CLYBL: variants seen among roughly 807,000 people sequenced by gnomAD.
CLYBL encodes citramalyl-CoA lyase, mitochondrial.
A neutral mutation model predicts 38.9 loss-of-function variants in CLYBL; 31 were observed. The observed-to-expected ratio is 0.80, with a 90% CI of 0.60 to 1.08. CLYBL has a LOEUF of 1.08. Among genes scored for constraint, CLYBL ranks in the 50% least tolerant of loss-of-function variants. CLYBL has a pLI of 0.00. For synonymous variants in CLYBL, 171 were observed against 158.6 expected (o/e 1.08, Z -0.59); for missense variants, 434 against 411.6 (o/e 1.05, Z -0.47).
At chr13:99,862,924 C>T in intron 3 of CLYBL, 67 bp from the exon 4 acceptor site, 1 of 847,410 alleles carries the variant, frequency 1.2e-6, no homozygotes, top group Non-Finnish European at 1.9e-6. Context: ...AATACTACTT[C>T]TGGGTCTACA....
intron 6 of CLYBL, among the ~76,000 whole-genome samples, chr13:99,868,098 G>A (rs1174218066): frequency 6.6e-6 from 1 of 151,170 alleles, no homozygotes; most frequent in East Asian, 2.0e-4. Context: ...TAAAAAAAAA[G>A]GGGGGAAGCG....
chr13:99,625,855 A>G (rs1461037549), intron 1 of CLYBL, among the ~76,000 whole-genome samples: 2 of 152,182 alleles, frequency 1.3e-5, no homozygotes, highest in Non-Finnish European at 2.9e-5. Flanking sequence ...CTAAGAAGAG[A>G]GAAGGGAAGA....
intron 1 of CLYBL, among the ~76,000 whole-genome samples, chr13:99,626,963 C>T (rs1177545998): frequency 2.0e-5 from 3 of 150,202 alleles, no homozygotes; most frequent in Non-Finnish European, 2.9e-5. Context: ...AGTTATGACT[C>T]ATCTAGTACC....
intron 2 of CLYBL, among the ~76,000 whole-genome samples, chr13:99,804,997 A>C (rs2050203485): frequency 6.6e-6 from 1 of 152,196 alleles, no homozygotes; most frequent in Non-Finnish European, 1.5e-5. Flanking sequence ...TACCTCATAG[A>C]AGTGGAATCA....
intron 1 of CLYBL, among the ~76,000 whole-genome samples, chr13:99,680,511 A>G (rs2047719651): frequency 6.6e-6 from 1 of 152,204 alleles, no homozygotes; most frequent in African/African-American, 2.4e-5. Flanking sequence ...GCCTCCAAAA[A>G]TAACGGACTA....
chr13:99,732,302 C>T (rs2139575102), intron 1 of CLYBL, among the ~76,000 whole-genome samples: 2 of 151,676 alleles, frequency 1.3e-5, no homozygotes, highest in South Asian at 4.2e-4. Context: ...TCTTCCACCT[C>T]AGCGTCCCCC....
chr13:99,833,453 A>G lies in CLYBL; in HGVS notation c.250-25408A>G, dbSNP rs57033769. Among the ~76,000 whole-genome samples, 459 of 152,212 alleles carry G rather than the reference A, an allele frequency of 3.0e-3. 2 individuals are homozygous for G. Among genetic ancestry groups the G allele is most frequent in the African/African-American group, 0.011 (437 of 41,522 alleles). ...TTTGAATTGCTGCCATAGCTACATA[A>G]TGGTGTGGAAAGTAGTAAACCCATT... On this transcript the variant is annotated intron_variant, in intron 2 of 8. Coordinates refer to ENST00000339105, the MANE Select transcript of CLYBL (RefSeq NM_206808.5).
At position 99,772,899 on chromosome 13, in the gene CLYBL, G is replaced by A; in HGVS notation, c.138G>A (p.Arg46=). The A allele has an allele frequency of 1.2e-6, 2 of 1,613,696 alleles. No individual in the cohort carries two copies. The highest frequency in any genetic ancestry group is 1.7e-6 in the Non-Finnish European group (2 of 1,179,846). Residue 46 remains arginine (R), a synonymous_variant, in exon 2 of 9, where the codon AGG becomes AGA. Coordinates refer to ENST00000339105, the MANE Select transcript of CLYBL (RefSeq NM_206808.5). ...CCCATCACAAGTACATCCCCCGGAG[G>A]GCAGTGCTTTATGTACCTGGAAATG... ...SSSHHKYIPR[R]AVLYVPGNDE...
chr13:99,817,307 A>AAGGAG (rs2050471073), intron 2 of CLYBL, among the ~76,000 whole-genome samples: 1 of 152,136 alleles, frequency 6.6e-6, no homozygotes, highest in Non-Finnish European at 1.5e-5. Flanking sequence ...GAGGAGACGA[A>AAGGAG]AGGAGAGGGG....
intron 1 of CLYBL, among the ~76,000 whole-genome samples, chr13:99,715,679 T>C (rs759200282): frequency 9.1e-4 from 139 of 152,254 alleles, no homozygotes; most frequent in Non-Finnish European, 1.8e-3. Context: ...TTTCAAACAA[T>C]CCTTTTGTTC....
At chr13:99,651,746 A>G (rs912506806) in intron 1 of CLYBL, among the ~76,000 whole-genome samples, 4 of 151,846 alleles carry the variant, frequency 2.6e-5, no homozygotes, top group Non-Finnish European at 5.9e-5. Context: ...CCTGGCCAAC[A>G]TGGTGAAACC....
chr13:99,687,808 T>C (rs187207750), intron 1 of CLYBL, among the ~76,000 whole-genome samples: 20 of 152,308 alleles, frequency 1.3e-4, no homozygotes, highest in Admixed American at 1.3e-3. Context: ...ATGTCTGACA[T>C]GCTTATCATC....
intron 1 of CLYBL, among the ~76,000 whole-genome samples, chr13:99,650,542 AACTTGAGTTTTGATTTGGCTCAGGT>A (rs905027816): frequency 5.3e-5 from 8 of 152,196 alleles, no homozygotes; most frequent in African/African-American, 1.9e-4. Context: ...CACTGGCAGC[AACTTGAGTTTTGATTTGGCTCAGGT>A]ACATGTGCTC....
At chr13:99,679,807 G>T (rs1041344992) in intron 1 of CLYBL, among the ~76,000 whole-genome samples, 1 of 152,012 alleles carries the variant, frequency 6.6e-6, no homozygotes, top group Non-Finnish European at 1.5e-5. Context: ...TAATTACATA[G>T]AAAATGCCAC....
At chr13:99,870,418 GT>G (rs757424439) in intron 6 of CLYBL, among the ~76,000 whole-genome samples, 4,467 of 152,268 alleles carry the variant, frequency 0.029, no homozygotes, top group Non-Finnish European at 0.045. Flanking sequence ...GTATTTGATA[GT>G]AATATAGTTG....
intron 1 of CLYBL, among the ~76,000 whole-genome samples, chr13:99,668,745 C>T (rs996958760): frequency 4.6e-5 from 7 of 152,138 alleles, no homozygotes; most frequent in South Asian, 4.1e-4. Context: ...CCCAGCCTGC[C>T]GGGCTTCTGG....
chr13:99,897,248 G>A (rs1022092353), downstream of CLYBL: 2 of 152,240 alleles, frequency 1.3e-5, no homozygotes, highest in Admixed American at 6.5e-5. Flanking sequence ...CCTGCCTGAG[G>A]TCTGAGGAGT....
At chr13:99,784,449 C>CTCTTTTT (rs71121010) in intron 2 of CLYBL, among the ~76,000 whole-genome samples, 45 of 52,100 alleles carry the variant, frequency 8.6e-4, no homozygotes, top group Non-Finnish European at 1.5e-3. Flanking sequence ...AAAATTCTCT[C>CTCTTTTT]TTTTTTTTTT....
chr13:99,662,021 T>G (rs896332740), intron 1 of CLYBL, among the ~76,000 whole-genome samples: 1 of 152,166 alleles, frequency 6.6e-6, no homozygotes, highest in Non-Finnish European at 1.5e-5. Context: ...AGGGAGGAGC[T>G]AATGTGGAAT....
Sources: allele counts gnomAD v4.1 joint callset (sites outside exome capture counted in the v4.1 genomes callset), GRCh38; gene constraint gnomAD v4.1.1; transcripts MANE v1.5; gene names NCBI Gene and HGNC (gene_info 2026-07-23, HGNC 2026-07-21).